DOCK4: variants seen among roughly 807,000 people sequenced by gnomAD.
DOCK4 encodes the protein dedicator of cytokinesis protein 4.
DOCK4 carries 97 observed loss-of-function variants against 268.1 expected under a neutral mutation model. That is an observed-to-expected ratio of 0.36 (90% CI 0.31 to 0.43). The LOEUF (loss-of-function observed/expected upper bound fraction) is 0.43. Among genes scored for constraint, DOCK4 ranks in the 20% least tolerant of loss-of-function variants. DOCK4 has a pLI of 1.00. For missense variants in DOCK4, 2,145 were observed against 2,455.7 expected (o/e 0.87, Z 2.67); for synonymous variants, 954 against 887.2 (o/e 1.08, Z -1.34).
chr7:111,990,786 T>C (rs573963594), intron 5 of DOCK4, among the ~76,000 whole-genome samples: 3 of 152,372 alleles, frequency 2.0e-5, no homozygotes, highest in African/African-American at 7.2e-5. Flanking sequence ...TGTAATTAAC[T>C]GCTCAATGTC....
chr7:111,846,889 A>C, intron 24 of DOCK4, 110 bp downstream of exon 24: 1 of 1,251,880 alleles, frequency 8.0e-7, no homozygotes, highest in Non-Finnish European at 1.1e-6. Context: ...TGGAAATAAA[A>C]GTGGGTCTCA....
At chr7:112,109,272 A>C (rs898530426) in intron 1 of DOCK4, among the ~76,000 whole-genome samples, 1 of 152,032 alleles carries the variant, frequency 6.6e-6, no homozygotes, top group African/African-American at 2.4e-5. Context: ...AAAACAAACA[A>C]ACACACAAAA....
At chr7:112,155,227 ATACACAGTAGGTAAAAATT>A (rs1162148403) in intron 1 of DOCK4, among the ~76,000 whole-genome samples, 1 of 152,210 alleles carries the variant, frequency 6.6e-6, no homozygotes, top group Non-Finnish European at 1.5e-5. Context: ...AACCAAATAT[ATACACAGTAGGTAAAAATT>A]TGTTTCATGT....
At chr7:111,914,212 T>G (rs1039725020) in intron 13 of DOCK4, among the ~76,000 whole-genome samples, 3 of 152,168 alleles carry the variant, frequency 2.0e-5, no homozygotes, top group Admixed American at 1.3e-4. Context: ...GGTCTTACTC[T>G]CGCCATCTCC....
chr7:111,729,941 C>T (rs987012047), intron 52 of DOCK4, among the ~76,000 whole-genome samples: 3 of 152,248 alleles, frequency 2.0e-5, no homozygotes, highest in African/African-American at 4.8e-5. Flanking sequence ...TTTCAAATTT[C>T]ACATGAAACT....
intron 1 of DOCK4, among the ~76,000 whole-genome samples, chr7:112,124,086 G>A (rs148011647): frequency 6.6e-6 from 1 of 151,888 alleles, no homozygotes; most frequent in East Asian, 1.9e-4. Context: ...ATGCAGTGGA[G>A]CGATCATCAT....
chr7:112,136,807 G>A (rs1197887421), intron 1 of DOCK4, among the ~76,000 whole-genome samples: 1 of 152,206 alleles, frequency 6.6e-6, no homozygotes, highest in Non-Finnish European at 1.5e-5. Context: ...AATGAAAAGA[G>A]AGAGAGAGAG....
chr7:111,828,601 A>G (rs1466500720), intron 26 of DOCK4, among the ~76,000 whole-genome samples: 2 of 152,200 alleles, frequency 1.3e-5, no homozygotes, highest in Admixed American at 1.3e-4. Context: ...TCAAGTATCA[A>G]TTAAAATGTA....
chr7:112,052,072 T>C (rs79623046), intron 1 of DOCK4, among the ~76,000 whole-genome samples: 372 of 152,302 alleles, frequency 2.4e-3, no homozygotes, highest in African/African-American at 8.4e-3. Context: ...TCCCCCCATA[T>C]ACTTTAAATC....
intron 16 of DOCK4, among the ~76,000 whole-genome samples, chr7:111,891,042 G>C (rs1277313986): frequency 6.6e-6 from 1 of 151,998 alleles, no homozygotes; most frequent in East Asian, 1.9e-4. Context: ...GACAATTAAT[G>C]TTCCTTCAAA....
At chr7:111,916,675 A>G (rs1381976492) in intron 12 of DOCK4, among the ~76,000 whole-genome samples, 1 of 152,210 alleles carries the variant, frequency 6.6e-6, no homozygotes, top group African/African-American at 2.4e-5. Context: ...GAAGTACAGA[A>G]AACTTTAATG....
At chr7:111,971,564 C>A (rs955752007) in intron 8 of DOCK4, 5 of 190,736 alleles carry the variant, frequency 2.6e-5, no homozygotes, top group East Asian at 1.7e-4. Context: ...ATCAGTTGAG[C>A]CTTCTTATTC....
At chr7:111,956,658 T>A (rs1040262167) in intron 8 of DOCK4, among the ~76,000 whole-genome samples, 1 of 152,192 alleles carries the variant, frequency 6.6e-6, no homozygotes, top group African/African-American at 2.4e-5. Context: ...GAATACATAA[T>A]TGACTATTCC....
intron 1 of DOCK4, among the ~76,000 whole-genome samples, chr7:112,004,753 G>T (rs1218992825): frequency 6.6e-6 from 1 of 152,142 alleles, no homozygotes; most frequent in Non-Finnish European, 1.5e-5. Flanking sequence ...CCCTCCCGCA[G>T]GTCTAAACAC....
intron 5 of DOCK4, among the ~76,000 whole-genome samples, chr7:111,992,094 T>C (rs943695090): frequency 1.3e-5 from 2 of 151,952 alleles, no homozygotes; most frequent in African/African-American, 2.4e-5. Flanking sequence ...AAACTTTTTG[T>C]GGTTACATTA....
chr7:112,036,212 T>C (rs887229748), intron 1 of DOCK4, among the ~76,000 whole-genome samples: 8 of 151,862 alleles, frequency 5.3e-5, no homozygotes, highest in Middle Eastern at 3.2e-3. Flanking sequence ...AGTCTTTCCT[T>C]AGAATAAACA....
chr7:111,894,314 T>C (rs1178191096), intron 16 of DOCK4, among the ~76,000 whole-genome samples: 6 of 152,244 alleles, frequency 3.9e-5, no homozygotes, highest in Non-Finnish European at 8.8e-5. Flanking sequence ...TTTTTGCTTG[T>C]AATCTCTTAT....
chr7:112,119,661 G>A (rs1468673394), intron 1 of DOCK4, among the ~76,000 whole-genome samples: 3 of 152,064 alleles, frequency 2.0e-5, no homozygotes, highest in Non-Finnish European at 4.4e-5. Flanking sequence ...TCAGAAACCT[G>A]GGTTCACATC....
chr7:112,041,843 C>T (rs1351871593), intron 1 of DOCK4, among the ~76,000 whole-genome samples: 1 of 152,174 alleles, frequency 6.6e-6, no homozygotes, highest in Non-Finnish European at 1.5e-5. Flanking sequence ...AAGATATTTG[C>T]TTGGACCCAG....
Sources: gnomAD v4.1 joint callset for allele counts (sites outside exome capture counted in the v4.1 genomes callset) on GRCh38, gnomAD v4.1.1 for gene constraint, MANE v1.5 for transcripts, NCBI Gene and HGNC (gene_info 2026-07-23, HGNC 2026-07-21) for gene names.